The following GLIS1 variants were observed in gnomAD, a reference collection of about 807,000 sequenced individuals.
GLIS1 encodes GLIS family zinc finger 1.
GLIS1 carries 24 observed loss-of-function variants against 63.8 expected under a neutral mutation model. The observed-to-expected ratio is 0.38, with a 90% CI of 0.27 to 0.53. The LOEUF (loss-of-function observed/expected upper bound fraction) is 0.53, where lower values mean the gene tolerates loss of function less well. Among genes scored for constraint, GLIS1 ranks in the 20% least tolerant of loss-of-function variants. GLIS1 has a pLI of 0.85. For synonymous variants in GLIS1, 450 were observed against 482.5 expected (o/e 0.93, Z 0.88); for missense variants, 1,036 against 1,074.1 (o/e 0.96, Z 0.50).
intron 4 of GLIS1, among the ~76,000 whole-genome samples, chr1:53,580,055 C>G (rs1645070298): frequency 6.6e-6 from 1 of 152,186 alleles, no homozygotes; most frequent in African/African-American, 2.4e-5. Flanking sequence ...TCAGGTAAGG[C>G]CTGGGATCAG....
chr1:53,571,935 G>C (rs1276896049), intron 4 of GLIS1, among the ~76,000 whole-genome samples: 3 of 152,220 alleles, frequency 2.0e-5, no homozygotes, highest in East Asian at 3.9e-4. Context: ...TACAGTATGA[G>C]ACTATTTTTA....
chr1:53,627,422 A>C (rs988519029), intron 2 of GLIS1, among the ~76,000 whole-genome samples: 1 of 152,102 alleles, frequency 6.6e-6, no homozygotes, highest in Non-Finnish European at 1.5e-5. Flanking sequence ...AGATGTGCCA[A>C]ATTGAACCTC....
chr1:53,544,373 C>A (rs1289724114), intron 4 of GLIS1, among the ~76,000 whole-genome samples: 3 of 152,170 alleles, frequency 2.0e-5, no homozygotes, highest in Non-Finnish European at 4.4e-5. Flanking sequence ...GCCCCCGGGG[C>A]ACAGTGAGGC....
chr1:53,625,497 A>C (rs951551663), intron 2 of GLIS1, among the ~76,000 whole-genome samples: 1 of 152,214 alleles, frequency 6.6e-6, no homozygotes, highest in Admixed American at 6.5e-5. Context: ...CCCAATAAGC[A>C]AACCATTTTC....
intron 2 of GLIS1, among the ~76,000 whole-genome samples, chr1:53,612,882 G>A (rs948623667): frequency 1.3e-5 from 2 of 148,366 alleles, no homozygotes; most frequent in Non-Finnish European, 3.0e-5. Flanking sequence ...GCAGTGGCAC[G>A]ATCTCGACTC....
rs1645841495 is a variant in GLIS1 at position 53,646,055 on chromosome 1, C to A, written c.260-45777G>T. Among the ~76,000 whole-genome samples the A allele has an allele frequency of 6.6e-6, 1 of 152,138 alleles. No individual in the cohort carries two copies. The highest frequency in any genetic ancestry group is 1.5e-5 in the Non-Finnish European group (1 of 68,028). On this transcript the variant is annotated intron_variant, in intron 2 of 10. Coordinates refer to ENST00000628545, the MANE Select transcript of GLIS1 (RefSeq NM_001367484.1). This position sits in a 1 kb window ranked among gnomAD's most constrained non-coding sequence, Gnocchi z 4.2. The stretch of plus-strand genomic sequence containing the variant: ...AACTAGAGACACCTGCAACATCCAG[C>A]AACATAATGCTGAATTTAAAAAGCA...
chr1:53,673,093 T>G (rs1646172068), intron 2 of GLIS1, among the ~76,000 whole-genome samples: 1 of 152,198 alleles, frequency 6.6e-6, no homozygotes, highest in Admixed American at 6.5e-5. Context: ...GTGGCGCCAG[T>G]GGAGGTGGAA....
chr1:53,662,443 C>A (rs1646038858), intron 2 of GLIS1, among the ~76,000 whole-genome samples: 1 of 152,122 alleles, frequency 6.6e-6, no homozygotes, highest in African/African-American at 2.4e-5. Flanking sequence ...TAGTTGTTAT[C>A]ATTGCCATTA....
intron 2 of GLIS1, among the ~76,000 whole-genome samples, chr1:53,616,414 C>T (rs1645483271): frequency 6.6e-6 from 1 of 152,230 alleles, no homozygotes; most frequent in African/African-American, 2.4e-5. Context: ...TTTATTACTT[C>T]ATGCTTGGCA....
chr1:53,736,138 C>T (rs1646910596), intron 2 of GLIS1, among the ~76,000 whole-genome samples: 1 of 152,208 alleles, frequency 6.6e-6, no homozygotes. Context: ...AAAGCTTCAC[C>T]AGAGAGACCA....
chr1:53,694,642 C>T (rs1476692991), intron 2 of GLIS1, among the ~76,000 whole-genome samples: 2 of 152,196 alleles, frequency 1.3e-5, no homozygotes, highest in African/African-American at 4.8e-5. Flanking sequence ...GGCTGTGTGG[C>T]CTTGGGCAGG....
In GLIS1 at chr1:53,514,692, G is replaced by A; in HGVS notation, c.1816C>T (p.Leu606=). 2 of 1,613,922 alleles carry A rather than the reference G, an allele frequency of 1.2e-6. No individual in the cohort carries two copies. Among genetic ancestry groups the A allele is most frequent in the Non-Finnish European group, 1.7e-6 (2 of 1,179,948 alleles). ...AHDVPSRHHP[L]DATTSSHHHL... is the part of the protein sequence containing the mutation. ...TGGTGGGAACTGGTGGTGGCATCCA[G>A]CGGGTGGTGCCTGGAAGGTACGTCG... The change falls in exon 8 of 11, where the codon CTG becomes TTG. Residue 606 remains leucine, a synonymous_variant. Coordinates refer to ENST00000628545, the MANE Select transcript of GLIS1 (RefSeq NM_001367484.1).
At chr1:53,546,716 GCGGCCAT>G (rs1461873225) in intron 4 of GLIS1, among the ~76,000 whole-genome samples, 5 of 152,150 alleles carry the variant, frequency 3.3e-5, no homozygotes, top group Admixed American at 3.3e-4. Flanking sequence ...ATTCTCTTCT[GCGGCCAT>G]CATTCTCTTT....
At chr1:53,525,822 T>TC (rs1644462783) in intron 5 of GLIS1, among the ~76,000 whole-genome samples, 1 of 152,012 alleles carries the variant, frequency 6.6e-6, no homozygotes, top group Admixed American at 6.5e-5. Context: ...CTCCAAGCTC[T>TC]CCTCGCATCC....
At position 53,560,755 on chromosome 1, in the gene GLIS1, G is replaced by C. The variant is rs916795713; in HGVS notation, c.1321-30803C>G. 6.6e-6 allele frequency among the ~76,000 whole-genome samples: 1 copy of C among 152,178 alleles called. No individual in the cohort carries two copies. Among genetic ancestry groups the C allele is most frequent in the Non-Finnish European group, 1.5e-5 (1 of 68,026 alleles). On this transcript the variant is annotated intron_variant, in intron 4 of 10. Coordinates refer to ENST00000628545, the MANE Select transcript of GLIS1 (RefSeq NM_001367484.1). The surrounding 1 kb of genome is among the most constrained non-coding windows in gnomAD (Gnocchi z 4.4). ...AGACCTCTGCCATGGTCTGCTCAGT[G>C]GATGCCTCAGAAGTGGCCCACGACA...
At chr1:53,736,118 C>T (rs1224646409) in intron 2 of GLIS1, among the ~76,000 whole-genome samples, 1 of 152,164 alleles carries the variant, frequency 6.6e-6, no homozygotes, top group East Asian at 1.9e-4. Flanking sequence ...GTTGTGAAAC[C>T]TCTTGGAAAA....
At chr1:53,563,146 ACT>A (rs1644907638) in intron 4 of GLIS1, among the ~76,000 whole-genome samples, 1 of 152,254 alleles carries the variant, frequency 6.6e-6, no homozygotes, top group Non-Finnish European at 1.5e-5. Flanking sequence ...CAGGTACTCA[ACT>A]CAGGCCTCCA....
At chr1:53,567,083 A>G (rs1017989814) in intron 4 of GLIS1, among the ~76,000 whole-genome samples, 60 of 152,332 alleles carry the variant, frequency 3.9e-4, no homozygotes, top group Admixed American at 3.9e-3. Context: ...GGAACTTCCT[A>G]GAGACTTGTT....
intron 2 of GLIS1, among the ~76,000 whole-genome samples, chr1:53,686,283 G>C (rs1158630530): frequency 1.3e-5 from 2 of 152,198 alleles, no homozygotes; most frequent in Non-Finnish European, 2.9e-5. Context: ...GCACTGCCAA[G>C]TCAGACCGTG....
Sources: gnomAD v4.1 joint callset for allele counts (sites outside exome capture counted in the v4.1 genomes callset) on GRCh38, gnomAD v4.1.1 for gene constraint, Gnocchi (gnomAD v3.1) non-coding constraint, MANE v1.5 for transcripts, NCBI Gene and HGNC (gene_info 2026-07-23, HGNC 2026-07-21) for gene names.